Variants in CTNNA3 observed in about 807,000 individuals in gnomAD.
CTNNA3 encodes the protein catenin alpha 3.
Under a neutral mutation model 95.7 loss-of-function variants are expected in CTNNA3, and 76 were observed. That is an observed-to-expected ratio of 0.79 (90% CI 0.66 to 0.96). The LOEUF is 0.96. Among genes scored for constraint, CTNNA3 ranks in the 40% least tolerant of loss-of-function variants. The probability of loss-of-function intolerance (pLI) is 0.00; values close to 1 mark genes in which losing one functional copy is unlikely to be tolerated. For synonymous variants in CTNNA3, 431 were observed against 374.4 expected (o/e 1.15, Z -1.74); for missense variants, 1,191 against 1,089.8 (o/e 1.09, Z -1.31).
At chr10:67,147,509 A>G (rs1860901829) in intron 7 of CTNNA3, among the ~76,000 whole-genome samples, 1 of 152,224 alleles carries the variant, frequency 6.6e-6, no homozygotes, top group African/African-American at 2.4e-5. Flanking sequence ...GTCAAAATAC[A>G]CTAATAGCTC....
chr10:66,391,005 G>C (rs746348698), intron 11 of CTNNA3, among the ~76,000 whole-genome samples: 1 of 152,032 alleles, frequency 6.6e-6, no homozygotes, highest in Admixed American at 6.6e-5. Flanking sequence ...TCACAATCTA[G>C]TAACCAGAAA....
chr10:67,400,224 T>C (rs1361382776), intron 5 of CTNNA3, among the ~76,000 whole-genome samples: 4 of 152,194 alleles, frequency 2.6e-5, no homozygotes, highest in Admixed American at 6.5e-5. Context: ...TTTTACTCTG[T>C]TGTGAGTGCT....
At chr10:67,629,652 A>G (rs1204480577) in intron 2 of CTNNA3, among the ~76,000 whole-genome samples, 2 of 152,204 alleles carry the variant, frequency 1.3e-5, no homozygotes, top group Admixed American at 1.3e-4. Context: ...CCAGGGAATC[A>G]GATTACATAA....
At chr10:66,763,447 G>A (rs531540585) in intron 9 of CTNNA3, among the ~76,000 whole-genome samples, 26 of 144,394 alleles carry the variant, frequency 1.8e-4, no homozygotes, top group African/African-American at 2.6e-4. Flanking sequence ...CCTGTTATAG[G>A]AATCTATAAG....
At chr10:66,514,758 T>C (rs1325883681) in intron 11 of CTNNA3, among the ~76,000 whole-genome samples, 2 of 152,152 alleles carry the variant, frequency 1.3e-5, no homozygotes, top group Admixed American at 6.5e-5. Context: ...TTACAAACCC[T>C]TATATTTAAT....
chr10:67,407,127 C>T (rs1023438837), intron 5 of CTNNA3, among the ~76,000 whole-genome samples: 2 of 152,066 alleles, frequency 1.3e-5, no homozygotes, highest in East Asian at 1.9e-4. Context: ...AAGAAAACTT[C>T]GGGCCAATAT....
chr10:66,633,975 G>A (rs1461616879), intron 9 of CTNNA3, among the ~76,000 whole-genome samples: 1 of 152,118 alleles, frequency 6.6e-6, no homozygotes, highest in Non-Finnish European at 1.5e-5. Context: ...AAAACAGCAT[G>A]TGTAATAATC....
At chr10:66,483,353 C>A (rs1216072048) in intron 11 of CTNNA3, among the ~76,000 whole-genome samples, 1 of 144,488 alleles carries the variant, frequency 6.9e-6, no homozygotes, top group Non-Finnish European at 1.5e-5. Flanking sequence ...ATGAAGTGGC[C>A]AAGAAAACTT....
At chr10:66,977,127 G>A (rs1850081062) in intron 7 of CTNNA3, among the ~76,000 whole-genome samples, 1 of 152,036 alleles carries the variant, frequency 6.6e-6, no homozygotes, top group Non-Finnish European at 1.5e-5. Flanking sequence ...TTGTTTAAAG[G>A]ACCTATAATG....
At chr10:67,592,084 C>G (rs1003442919) in intron 3 of CTNNA3, among the ~76,000 whole-genome samples, 3 of 152,082 alleles carry the variant, frequency 2.0e-5, no homozygotes, top group Admixed American at 2.0e-4. Context: ...TGAATGATGT[C>G]TTTTAACCAA....
intron 16 of CTNNA3, among the ~76,000 whole-genome samples, chr10:65,971,384 T>G (rs563307686): frequency 6.7e-6 from 1 of 150,218 alleles, no homozygotes; most frequent in South Asian, 2.1e-4. Context: ...GTTGTGTTTT[T>G]TTTTTTTTTG....
At chr10:66,010,248 G>A (rs74143648) in intron 15 of CTNNA3, among the ~76,000 whole-genome samples, 1,926 of 152,244 alleles carry the variant, frequency 0.013, 32 homozygotes, top group African/African-American at 0.045. Context: ...AATAGAAACT[G>A]TCAATGACCA....
intron 3 of CTNNA3, among the ~76,000 whole-genome samples, chr10:67,573,647 G>C (rs891361774): frequency 6.6e-6 from 1 of 151,912 alleles, no homozygotes; most frequent in African/African-American, 2.4e-5. Context: ...AGAAAATCAA[G>C]TATTATATTA....
chr10:66,947,633 T>A (rs992725327), intron 7 of CTNNA3, among the ~76,000 whole-genome samples: 9 of 152,206 alleles, frequency 5.9e-5, no homozygotes, highest in Admixed American at 1.3e-4. Flanking sequence ...ATAATTTGTA[T>A]TTTTTCCCTA....
rs531574377 is a variant in CTNNA3, at chr10:67,184,289, A to C, written c.844-3769T>G. ...ATTTTGCTTCGACTCGATTACTTCC[A>C]ACTCTTGGTAGCCATTGCTTTGACT... On this transcript the variant is annotated intron_variant, in intron 6 of 17. Transcript: ENST00000433211. Among the ~76,000 whole-genome samples the C allele has an allele frequency of 1.8e-4, 28 of 152,290 alleles. 1 individual carries two copies. The South Asian group carries it at 5.4e-3, about 29-fold the overall frequency.
rs1393040192 is a variant in CTNNA3, at chr10:66,672,505, T to G, written c.1282-50721A>C. Among the ~76,000 whole-genome samples the G allele has an allele frequency of 2.6e-5, 4 of 152,108 alleles. 1 individual carries two copies. Among genetic ancestry groups the G allele is most frequent in the South Asian group, 2.1e-4 (1 of 4,830 alleles). On this transcript the variant is annotated intron_variant, in intron 9 of 17. Transcript: ENST00000433211. The stretch of plus-strand genomic sequence containing the variant: ...ATGAGATGTCGAAGTTGAGGTGCTA[T>G]CAATGCTTTGGGGGTTATGTATCAA...
At chr10:66,722,355 A>G (rs539301739) in intron 9 of CTNNA3, among the ~76,000 whole-genome samples, 2 of 149,192 alleles carry the variant, frequency 1.3e-5, no homozygotes, top group South Asian at 4.3e-4. Context: ...TCCAGACTGG[A>G]CGACAGAGCG....
At chr10:66,133,610 A>G (rs1037916642) in intron 13 of CTNNA3, among the ~76,000 whole-genome samples, 10 of 152,076 alleles carry the variant, frequency 6.6e-5, no homozygotes, top group African/African-American at 2.4e-4. Flanking sequence ...AAAAAAGTCG[A>G]TGAAGCGGGA....
At chr10:66,163,171 C>G (rs781258634) in intron 13 of CTNNA3, among the ~76,000 whole-genome samples, 1 of 152,122 alleles carries the variant, frequency 6.6e-6, no homozygotes, top group African/African-American at 2.4e-5. Flanking sequence ...GGTTATTCCC[C>G]CTCCTGTGGA....
Sources: allele counts gnomAD v4.1 joint callset (sites outside exome capture counted in the v4.1 genomes callset), GRCh38; gene constraint gnomAD v4.1.1; transcripts MANE v1.5; gene names NCBI Gene and HGNC (gene_info 2026-07-23, HGNC 2026-07-21).